Variants in TMEM131 observed in about 807,000 individuals in gnomAD.
TMEM131 encodes transmembrane protein 131.
In TMEM131, 66 loss-of-function variants were observed where a neutral mutation model predicts 211.6. The ratio of observed to expected loss-of-function variants is 0.31; its 90% CI spans 0.26 to 0.38. The LOEUF is 0.38. Among genes scored for constraint, TMEM131 ranks in the 10% least tolerant of loss-of-function variants. The probability of loss-of-function intolerance (pLI) is 1.00; values close to 1 mark genes in which losing one functional copy is unlikely to be tolerated. For missense variants in TMEM131, 2,036 were observed against 2,299.3 expected (o/e 0.89, Z 2.34); for synonymous variants, 844 against 841.3 (o/e 1.00, Z -0.06).
chr2:97,990,684 G>A (rs1680225353), intron 1 of TMEM131, among the ~76,000 whole-genome samples: 1 of 152,130 alleles, frequency 6.6e-6, no homozygotes, highest in Admixed American at 6.5e-5. Flanking sequence ...AGAAAAAACT[G>A]GTGTTACTCA....
In TMEM131 at chr2:97,772,311, T is replaced by C. The variant is rs187935300; in HGVS notation, c.4434A>G (p.Thr1478=). ...KLLNIKKEIP[T]DVKPSSLELP... is the part of the protein sequence containing the mutation. ...ATTTCTCTCACCTGGGTTTCACATCTGTTGGGATTTCTTTCTTAATATTTA... is the reference window on the plus strand; with the variant it reads ...ATTTCTCTCACCTGGGTTTCACATCCGTTGGGATTTCTTTCTTAATATTTA... Residue 1478 remains threonine, a synonymous_variant, in exon 33 of 41, where the codon ACA becomes ACG. Coordinates refer to ENST00000186436, the MANE Select transcript of TMEM131 (RefSeq NM_015348.2). 265 of 1,602,398 alleles carry C rather than the reference T, an allele frequency of 1.7e-4. 1 individual carries two copies. Among genetic ancestry groups the C allele is most frequent in the Non-Finnish European group, 1.3e-5 (15 of 1,177,350 alleles).
chr2:97,873,120 A>G (rs1215209788), intron 4 of TMEM131, among the ~76,000 whole-genome samples: 1 of 152,254 alleles, frequency 6.6e-6, no homozygotes, highest in African/African-American at 2.4e-5. Context: ...CAGTGTAAAC[A>G]AAGTCACAAG....
intron 1 of TMEM131, among the ~76,000 whole-genome samples, chr2:97,984,279 A>G (rs1234169910): frequency 6.6e-6 from 1 of 152,170 alleles, no homozygotes; most frequent in Non-Finnish European, 1.5e-5. Flanking sequence ...CAGTATTTCT[A>G]CATTTTCATT....
rs1426850369 is a variant in TMEM131 at position 97,802,337 on chromosome 2, C to T, written c.2651+91G>A. On this transcript the variant is annotated intron_variant, in intron 24 of 40. Coordinates refer to ENST00000186436, the MANE Select transcript of TMEM131 (RefSeq NM_015348.2). ...AGAACTTCTCGTCAAATCTATTAAT[C>T]TGTATGAGCTGCAAATAAGGCTTTT... is the stretch of plus-strand genomic sequence containing the variant. The T allele has an allele frequency of 5.3e-6, 5 of 950,098 alleles. No individual in the cohort carries two copies. The East Asian group carries it at 1.3e-4, about 24-fold the overall frequency. The allele number at this position is 950,098 out of a possible 1,614,324, so 58.9% of individuals were successfully genotyped here.
rs138931828 is a variant in TMEM131, at chr2:97,863,336, G to A, written c.360-3909C>T. Among the ~76,000 whole-genome samples, 791 of 152,268 alleles carry A rather than the reference G, an allele frequency of 5.2e-3. 4 individuals are homozygous for A. Among genetic ancestry groups the A allele is most frequent in the Admixed American group, 8.8e-3 (135 of 15,288 alleles). On this transcript the variant is annotated intron_variant, in intron 4 of 40. Transcript: ENST00000186436. ...GCATCTCTCCAGGACGTTGGAGTGG[G>A]CACAGATTTCTTGAGTAATACTCCG...
intron 1 of TMEM131, among the ~76,000 whole-genome samples, chr2:97,949,420 T>C (rs1678196753): frequency 6.6e-6 from 1 of 152,148 alleles, no homozygotes; most frequent in African/African-American, 2.4e-5. Context: ...GTTCACACAA[T>C]CTTCACTATG....
intron 15 of TMEM131, among the ~76,000 whole-genome samples, chr2:97,813,437 T>C (rs1362353230): frequency 3.3e-5 from 5 of 152,362 alleles, no homozygotes; most frequent in South Asian, 4.1e-4. Context: ...ACTCTCAAGA[T>C]AGCTTTGTTT....
chr2:97,977,002 C>A (rs1348262316), intron 1 of TMEM131, among the ~76,000 whole-genome samples: 3 of 142,766 alleles, frequency 2.1e-5, no homozygotes, highest in African/African-American at 7.7e-5. Flanking sequence ...AAACTCATAT[C>A]ATATGTAAAA....
At chr2:97,943,242 T>C (rs1055559288) in intron 1 of TMEM131, among the ~76,000 whole-genome samples, 1 of 152,022 alleles carries the variant, frequency 6.6e-6, no homozygotes, top group Admixed American at 6.6e-5. Flanking sequence ...GGCAAGACCC[T>C]GTCTCTAAAA....
At chr2:97,980,175 T>C (rs907162046) in intron 1 of TMEM131, among the ~76,000 whole-genome samples, 1 of 152,144 alleles carries the variant, frequency 6.6e-6, no homozygotes, top group Non-Finnish European at 1.5e-5. Context: ...TGATTGCAGA[T>C]TACCATTACA....
intron 2 of TMEM131, among the ~76,000 whole-genome samples, chr2:97,914,642 T>C (rs1676433727): frequency 6.6e-6 from 1 of 152,220 alleles, no homozygotes; most frequent in African/African-American, 2.4e-5. Flanking sequence ...TGTAACCTTT[T>C]GGAGTTGGCT....
At chr2:97,794,738 T>A (rs1008392963) in intron 29 of TMEM131, among the ~76,000 whole-genome samples, 192 bp downstream of exon 29, 3 of 152,194 alleles carry the variant, frequency 2.0e-5, no homozygotes, top group Admixed American at 1.3e-4. Context: ...AAGAACACTG[T>A]TTATTATATA....
intron 4 of TMEM131, among the ~76,000 whole-genome samples, chr2:97,884,312 T>A (rs964577374): frequency 1.1e-4 from 17 of 152,284 alleles, no homozygotes; most frequent in Middle Eastern, 3.4e-3. Flanking sequence ...TTTAAAAAAA[T>A]TTTTTTGAGA....
rs533978873 is a variant in TMEM131, at chr2:97,812,978, C to T, written c.1618-229G>A. 7.3e-5 allele frequency among the ~76,000 whole-genome samples: 11 copies of T among 151,264 alleles called. No individual in the cohort carries two copies. The East Asian group carries it at 1.4e-3, about 19-fold the overall frequency. On this transcript the variant is annotated intron_variant, in intron 15 of 40. Coordinates refer to ENST00000186436, the MANE Select transcript of TMEM131 (RefSeq NM_015348.2). ...CTGCACTCCAGCTTGGGAAACACAG[C>T]GAGACTCCATCTAAAAAAAAAAAAA...
intron 33 of TMEM131, among the ~76,000 whole-genome samples, chr2:97,770,697 T>C (rs944851708): frequency 2.0e-5 from 3 of 152,196 alleles, no homozygotes; most frequent in African/African-American, 7.2e-5. Context: ...GTGTGTTCTA[T>C]CTGCTTAACA....
At chr2:97,985,244 G>C (rs899832744) in intron 1 of TMEM131, among the ~76,000 whole-genome samples, 1 of 151,936 alleles carries the variant, frequency 6.6e-6, no homozygotes, top group Non-Finnish European at 1.5e-5. Context: ...ATGTTCTGAA[G>C]CTCTAGCCAA....
rs370776110 is a variant in TMEM131 at position 97,793,481 on chromosome 2, C to A, written c.3459G>T (p.Arg1153=). ...GCGGGTTCGAGGCCTCAAAGGATAG[C>A]CGCCTTCGAAATGGCTCCCATATTC... ...AQGIWEPFRR[R]LSFEASNPPF... Residue 1153 remains arginine, a synonymous_variant, in exon 30 of 41, where the codon CGG becomes CGT. Coordinates refer to ENST00000186436, the MANE Select transcript of TMEM131 (RefSeq NM_015348.2). The A allele has an allele frequency of 1.1e-5, 18 of 1,613,824 alleles. No individual in the cohort carries two copies. The African/African-American group carries it at 2.0e-4, about 18-fold the overall frequency.
intron 31 of TMEM131, among the ~76,000 whole-genome samples, chr2:97,776,736 C>A (rs1051074126): frequency 1.3e-5 from 2 of 152,212 alleles, no homozygotes; most frequent in Non-Finnish European, 2.9e-5. Flanking sequence ...GTGACATAAA[C>A]AACGAGCCAC....
At chr2:97,802,586 C>G in intron 23 of TMEM131, 49 bp from the exon 24 acceptor site, 1 of 1,602,700 alleles carries the variant, frequency 6.2e-7, no homozygotes, top group East Asian at 2.2e-5. Flanking sequence ...ATAGTTAAAG[C>G]TAAGAGTAAA....
Sources: gnomAD v4.1 joint callset for allele counts (sites outside exome capture counted in the v4.1 genomes callset) on GRCh38, gnomAD v4.1.1 for gene constraint, MANE v1.5 for transcripts, NCBI Gene and HGNC (gene_info 2026-07-23, HGNC 2026-07-21) for gene names.